SORCS1: variants seen among roughly 807,000 people sequenced by gnomAD.
The protein encoded by SORCS1 is sortilin related VPS10 domain containing receptor 1.
In SORCS1, 60 loss-of-function variants were observed where a neutral mutation model predicts 146.1. The ratio of observed to expected loss-of-function variants is 0.41; its 90% CI spans 0.33 to 0.51. The LOEUF is 0.51. Ranked by LOEUF, SORCS1 falls within the 20% of genes least tolerant of loss-of-function variation. The pLI, the probability that SORCS1 is intolerant of heterozygous loss-of-function variation, is 0.21. For synonymous variants in SORCS1, 637 were observed against 584.0 expected (o/e 1.09, Z -1.31); for missense variants, 1,352 against 1,487.6 (o/e 0.91, Z 1.50).
intron 4 of SORCS1, among the ~76,000 whole-genome samples, chr10:106,765,022 C>CAAA (rs10582038): frequency 4.8e-4 from 35 of 73,212 alleles, no homozygotes; most frequent in African/African-American, 8.9e-4. Flanking sequence ...GACACTGTCT[C>CAAA]AAAAAAAAAA....
At chr10:106,897,246 T>C (rs1427385486) in intron 2 of SORCS1, among the ~76,000 whole-genome samples, 2 of 152,030 alleles carry the variant, frequency 1.3e-5, no homozygotes, top group East Asian at 1.9e-4. Context: ...AGTGGTGTCA[T>C]CACAGTTCTC....
intron 5 of SORCS1, among the ~76,000 whole-genome samples, chr10:106,759,453 T>C (rs1858910648): frequency 6.6e-6 from 1 of 152,176 alleles, no homozygotes; most frequent in South Asian, 2.1e-4. Context: ...TTAGAGAAAT[T>C]AGGGTAAGGT....
chr10:106,587,909 C>G (rs986653134), intron 24 of SORCS1, among the ~76,000 whole-genome samples: 10 of 151,886 alleles, frequency 6.6e-5, no homozygotes, highest in African/African-American at 1.5e-4. Context: ...AAATATTAAC[C>G]CTTTACCATT....
At chr10:106,736,602 TAAA>T (rs10684476) in intron 5 of SORCS1, among the ~76,000 whole-genome samples, 12 of 38,754 alleles carry the variant, frequency 3.1e-4, no homozygotes, top group Admixed American at 2.7e-3. Context: ...TAACCCTGGT[TAAA>T]AAAAAAAAAA....
chr10:106,822,385 G>A (rs541662360), intron 3 of SORCS1, among the ~76,000 whole-genome samples: 52 of 152,166 alleles, frequency 3.4e-4, no homozygotes, highest in African/African-American at 1.2e-3. Context: ...AGAGGCTTCC[G>A]CAGGGACTTC....
chr10:106,620,652 G>A lies in SORCS1; in HGVS notation c.2663-91C>T, dbSNP rs1847681069. The A allele has an allele frequency of 2.7e-6, 4 of 1,457,492 alleles. No individual in the cohort carries two copies. In the East Asian group the frequency reaches 9.7e-5, roughly 35 times the overall value. 90.3% of individuals were successfully genotyped at this position (1,457,492 alleles called of 1,614,324 possible). A position where few individuals can be genotyped will look rare whatever the true frequency, so the allele number is the denominator to read the frequency against. On this transcript the variant is annotated intron_variant, in intron 19 of 25. Transcript: ENST00000263054. ...CTGAAGAGATCACACATTTACTCTTGAAGCCCCCAAAACCTGGCTGCCATA... is the reference window on the plus strand; with the variant it reads ...CTGAAGAGATCACACATTTACTCTTAAAGCCCCCAAAACCTGGCTGCCATA...
intron 1 of SORCS1, among the ~76,000 whole-genome samples, chr10:107,102,872 A>G (rs1053094934): frequency 2.6e-5 from 4 of 152,224 alleles, no homozygotes; most frequent in African/African-American, 7.2e-5. Flanking sequence ...CCTGTCCACA[A>G]TATTTTATTA....
chr10:106,641,801 T>G (rs2133681301), intron 18 of SORCS1, among the ~76,000 whole-genome samples: 1 of 152,116 alleles, frequency 6.6e-6, no homozygotes, highest in South Asian at 2.1e-4. Context: ...TATAATTTAT[T>G]ATATTTAGAT....
chr10:106,580,445 T>C (rs1844836199), intron 24 of SORCS1, among the ~76,000 whole-genome samples: 1 of 152,224 alleles, frequency 6.6e-6, no homozygotes, highest in African/African-American at 2.4e-5. Flanking sequence ...AAACCTGTTG[T>C]ACCTGTAGAC....
At chr10:106,617,958 G>A (rs188266908) in intron 21 of SORCS1, among the ~76,000 whole-genome samples, 191 bp downstream of exon 21, 1 of 152,228 alleles carries the variant, frequency 6.6e-6, no homozygotes, top group Admixed American at 6.5e-5. Context: ...TCTGGATCCC[G>A]TGACGCTGTT....
chr10:107,148,103 G>A (rs1284330473), intron 1 of SORCS1, among the ~76,000 whole-genome samples: 3 of 152,190 alleles, frequency 2.0e-5, no homozygotes, highest in Non-Finnish European at 4.4e-5. Flanking sequence ...GATCCACTTT[G>A]TGACTGGAAG....
chr10:106,886,546 G>A (rs753779489), intron 2 of SORCS1, among the ~76,000 whole-genome samples: 1 of 152,106 alleles, frequency 6.6e-6, no homozygotes, highest in Non-Finnish European at 1.5e-5. Context: ...CAAGTACCCT[G>A]TGATTACTAT....
At chr10:107,114,922 G>A (rs186257560) in intron 1 of SORCS1, among the ~76,000 whole-genome samples, 9 of 151,992 alleles carry the variant, frequency 5.9e-5, no homozygotes, top group Non-Finnish European at 1.0e-4. Flanking sequence ...AAATAATATC[G>A]ACATACACAT....
In SORCS1 at chr10:106,961,530, T is replaced by C. The variant is rs564493523; in HGVS notation, c.559-4950A>G. On this transcript the variant is annotated intron_variant, in intron 1 of 25. Transcript: ENST00000263054. ...TAAAAACAAAAACATAGCGTCTTCC[T>C]CTCTTCATTTACTAAAGAATTCACC... Among the ~76,000 whole-genome samples, 3 of 152,346 alleles carry C rather than the reference T, an allele frequency of 2.0e-5. No individual in the cohort carries two copies. The East Asian group carries it at 5.8e-4, about 29-fold the overall frequency.
chr10:106,711,580 C>T (rs932293834), intron 6 of SORCS1, among the ~76,000 whole-genome samples: 1 of 152,208 alleles, frequency 6.6e-6, no homozygotes, highest in Admixed American at 6.5e-5. Flanking sequence ...TCTCAGTAGA[C>T]AATGGTGGAG....
At chr10:106,838,348 T>A (rs938482815) in intron 2 of SORCS1, among the ~76,000 whole-genome samples, 3 of 152,170 alleles carry the variant, frequency 2.0e-5, no homozygotes, top group African/African-American at 7.2e-5. Context: ...ATATAGCCCA[T>A]CCCTACACAT....
intron 1 of SORCS1, among the ~76,000 whole-genome samples, chr10:107,110,726 T>C (rs1965640273): frequency 6.6e-6 from 1 of 151,890 alleles, no homozygotes; most frequent in Non-Finnish European, 1.5e-5. Flanking sequence ...TTTAGTCCCT[T>C]TAAGCCATGG....
At chr10:106,711,952 A>G (rs1463261612) in intron 6 of SORCS1, among the ~76,000 whole-genome samples, 6 of 152,206 alleles carry the variant, frequency 3.9e-5, no homozygotes, top group Admixed American at 2.0e-4. Context: ...ATTTATGACG[A>G]TAAGAACTGG....
At chr10:106,796,181 AT>A (rs932480653) in intron 3 of SORCS1, among the ~76,000 whole-genome samples, 8 of 152,192 alleles carry the variant, frequency 5.3e-5, no homozygotes, top group African/African-American at 1.9e-4. Flanking sequence ...ACTGCCTGCT[AT>A]TTTTTAAAAT....
Sources: gnomAD v4.1 joint callset for allele counts (sites outside exome capture counted in the v4.1 genomes callset) on GRCh38, gnomAD v4.1.1 for gene constraint, MANE v1.5 for transcripts, NCBI Gene and HGNC (gene_info 2026-07-23, HGNC 2026-07-21) for gene names.